Variants in FBN1 observed in about 807,000 individuals in gnomAD.
FBN1 encodes fibrillin-1.
A neutral mutation model predicts 365.1 loss-of-function variants in FBN1; 29 were observed. The ratio of observed to expected loss-of-function variants is 0.08; its 90% CI spans 0.06 to 0.11. The LOEUF (loss-of-function observed/expected upper bound fraction) is 0.11, where lower values mean the gene tolerates loss of function less well. Among genes scored for constraint, FBN1 ranks in the 10% least tolerant of loss-of-function variants. The pLI is 1.00. For missense variants in FBN1, 2,476 were observed against 3,703.2 expected (o/e 0.67, Z 8.60); for synonymous variants, 1,210 against 1,270.5 (o/e 0.95, Z 1.01).
In FBN1 at chr15:48,644,753, A is replaced by G. The variant is rs774145378; in HGVS notation, c.17T>C (p.Leu6Pro). The G allele has an allele frequency of 6.2e-7, 1 of 1,612,074 alleles. No individual in the cohort carries two copies. The highest frequency in any genetic ancestry group is 1.1e-5 in the South Asian group (1 of 91,080). The change falls in exon 2 of 66, where the codon CTG (leucine) becomes CCG (proline). Residue 6 changes from leucine to proline, a missense_variant. This residue lies in a region of FBN1 where 76 missense variants were observed against 85.4 expected (regional missense o/e 0.89). Transcript: ENST00000316623. Reference protein sequence around the residue: MRRGRLLEIALGFTVL... With the variant: MRRGRPLEIALGFTVL... ...GGTAAATCCCAGGGCGATCTCCAGC[A>G]GACGCCCTCGACGCATGATGCCGAG...
At chr15:48,639,441 C>CCCCT (rs1351233363) in intron 2 of FBN1, among the ~76,000 whole-genome samples, 41 of 152,092 alleles carry the variant, frequency 2.7e-4, no homozygotes, top group African/African-American at 9.9e-4. Flanking sequence ...AATACCAGAC[C>CCCCT]CCCTTTCCAG....
At chr15:48,421,310 G>C (rs529368752) in intron 62 of FBN1, among the ~76,000 whole-genome samples, 5 of 152,130 alleles carry the variant, frequency 3.3e-5, no homozygotes, top group African/African-American at 1.2e-4. Context: ...TTCCCTATTA[G>C]GTTAAATTAA....
At chr15:48,540,053 A>T (rs1470292423) in intron 6 of FBN1, among the ~76,000 whole-genome samples, 2 of 152,188 alleles carry the variant, frequency 1.3e-5, no homozygotes, top group East Asian at 3.8e-4. Flanking sequence ...TTGGAACAAA[A>T]TCTCTTTAAA....
At chr15:48,528,879 A>C (rs1197073991) in intron 8 of FBN1, 1 of 152,208 alleles carries the variant, frequency 6.6e-6, no homozygotes, top group Non-Finnish European at 1.5e-5. Context: ...TTCGTAACAA[A>C]TAAAAGCAAG....
chr15:48,476,112 G>C lies in FBN1; in HGVS notation c.3965-1462C>G, dbSNP rs370146673. ...CACATTCCAAGGAAATGAGGAGGAAGGCCAATTCAGGGATAACAGTGCTAA... is the reference window on the plus strand; with the variant it reads ...CACATTCCAAGGAAATGAGGAGGAACGCCAATTCAGGGATAACAGTGCTAA... On this transcript the variant is annotated intron_variant, in intron 32 of 65. Transcript: ENST00000316623. Among the ~76,000 whole-genome samples the C allele has an allele frequency of 4.6e-5, 7 of 152,256 alleles. 1 individual carries two copies. In the Middle Eastern group the frequency reaches 0.014, roughly 296 times the overall value.
intron 5 of FBN1, among the ~76,000 whole-genome samples, chr15:48,596,687 T>C (rs931448789): frequency 6.6e-6 from 1 of 152,242 alleles, no homozygotes; most frequent in East Asian, 1.9e-4. Flanking sequence ...GGGAACTGTG[T>C]GTTAGCAAAG....
At chr15:48,511,762 T>C (rs2043761716) in intron 13 of FBN1, among the ~76,000 whole-genome samples, 2 of 152,210 alleles carry the variant, frequency 1.3e-5, no homozygotes, top group South Asian at 4.1e-4. Flanking sequence ...AAGGCAGTGC[T>C]TTAAGTATTC....
At chr15:48,442,916 C>A (rs141949266) in intron 49 of FBN1, among the ~76,000 whole-genome samples, 54 of 152,204 alleles carry the variant, frequency 3.5e-4, no homozygotes, top group African/African-American at 1.2e-3. Flanking sequence ...GTATCCTGGG[C>A]TCTTTATTTT....
rs4272981 is a variant in FBN1 at position 48,424,060 on chromosome 15, G to T, written c.7453+1309C>A. 7.1e-3 allele frequency among the ~76,000 whole-genome samples: 1,081 copies of T among 152,224 alleles called. 16 individuals are homozygous for T. The highest frequency in any genetic ancestry group is 0.025 in the African/African-American group (1,056 of 41,552). ...GAGAGATATTTTCCCCTTGAATTTG[G>T]TTCTTCATTTATATGAATAAATTTA... On this transcript the variant is annotated intron_variant, in intron 60 of 65. Coordinates refer to ENST00000316623, the MANE Select transcript of FBN1 (RefSeq NM_000138.5).
chr15:48,567,589 A>G (rs558532771), intron 6 of FBN1, among the ~76,000 whole-genome samples: 1 of 152,258 alleles, frequency 6.6e-6, no homozygotes, highest in African/African-American at 2.4e-5. Context: ...CAAATCCAAC[A>G]ATATATAAAA....
intron 2 of FBN1, among the ~76,000 whole-genome samples, chr15:48,621,764 G>A (rs1566940007): frequency 2.6e-5 from 4 of 152,116 alleles, no homozygotes; most frequent in South Asian, 2.1e-4. Context: ...TGAGGCAGGC[G>A]GATCACAAGG....
intron 6 of FBN1, among the ~76,000 whole-genome samples, chr15:48,541,743 T>C (rs74485722): frequency 6.1e-5 from 9 of 148,248 alleles, no homozygotes; most frequent in East Asian, 2.0e-4. Flanking sequence ...TTTTTTTTTT[T>C]CAGATAGTCT....
In FBN1 at chr15:48,425,863, A is replaced by C; in HGVS notation, c.7206T>G (p.Asp2402Glu). Residue 2402 changes from aspartate (D) to glutamate (E), a missense_variant and splice_region_variant, in exon 59 of 66, where the codon GAT becomes GAG. This residue lies in a region of FBN1 where 1,780 missense variants were observed against 2,840.8 expected (regional missense o/e 0.63). Coordinates refer to ENST00000316623, the MANE Select transcript of FBN1 (RefSeq NM_000138.5). Reference protein sequence around the residue: ...HGRGFMTNGADIDECKVIHDV... With the variant: ...HGRGFMTNGAEIDECKVIHDV... ...CGTGAATAACCTTGCATTCATCGAT[A>C]TCTGTAATTTAACAAATATAAATTA... The C allele has an allele frequency of 6.2e-7, 1 of 1,606,756 alleles. No homozygotes were observed.
At chr15:48,413,350 T>C (rs1015664518) in intron 64 of FBN1, among the ~76,000 whole-genome samples, 21 of 152,240 alleles carry the variant, frequency 1.4e-4, no homozygotes, top group African/African-American at 5.1e-4. Flanking sequence ...ATAAAATGCA[T>C]GTATCAGAGT....
intron 2 of FBN1, among the ~76,000 whole-genome samples, chr15:48,638,732 T>C (rs531534996): frequency 2.0e-5 from 3 of 152,220 alleles, no homozygotes; most frequent in South Asian, 2.1e-4. Context: ...CTCATATGAC[T>C]GGTCGTGATT....
chr15:48,508,896 C>A (rs778296074), intron 14 of FBN1, among the ~76,000 whole-genome samples, 192 bp from the exon 15 acceptor site: 9 of 152,112 alleles, frequency 5.9e-5, no homozygotes, highest in African/African-American at 1.4e-4. Context: ...ATCTCAAGTT[C>A]TTGAGTTTTG....
At chr15:48,588,355 A>G (rs1219658825) in intron 6 of FBN1, among the ~76,000 whole-genome samples, 1 of 152,214 alleles carries the variant, frequency 6.6e-6, no homozygotes, top group Admixed American at 6.5e-5. Flanking sequence ...TTAAAATTAT[A>G]TATGTGGCTC....
At chr15:48,556,678 C>T (rs967322209) in intron 6 of FBN1, among the ~76,000 whole-genome samples, 5 of 152,220 alleles carry the variant, frequency 3.3e-5, no homozygotes, top group African/African-American at 1.2e-4. Context: ...GAGTTGAATT[C>T]AGGCTGTGGA....
chr15:48,557,382 A>C (rs2044189592), intron 6 of FBN1, among the ~76,000 whole-genome samples: 1 of 152,200 alleles, frequency 6.6e-6, no homozygotes. Flanking sequence ...ACTACTCTGG[A>C]TGCCGGCCTG....
Sources: gnomAD v4.1 joint callset for allele counts (sites outside exome capture counted in the v4.1 genomes callset) on GRCh38, gnomAD v4.1.1 for gene constraint, gnomAD v4.1.1 regional missense constraint, MANE v1.5 for transcripts, NCBI Gene and HGNC (gene_info 2026-07-23, HGNC 2026-07-21) for gene names.